LANCL3: variants seen among roughly 807,000 people sequenced by gnomAD.
LANCL3 encodes LanC like family member 3.
In LANCL3, 19 loss-of-function variants were observed where a neutral mutation model predicts 26.5. The ratio of observed to expected loss-of-function variants is 0.72; its 90% CI spans 0.50 to 1.05. LANCL3 has a LOEUF of 1.05. Ranked by LOEUF, LANCL3 falls within the 50% of genes least tolerant of loss-of-function variation. The pLI is 0.00. For missense variants in LANCL3, 318 were observed against 362.7 expected (o/e 0.88, Z 1.00); for synonymous variants, 160 against 166.6 (o/e 0.96, Z 0.30).
intron 1 of LANCL3, among the ~76,000 whole-genome samples, chrX:37,600,909 G>A (rs1924558789): frequency 8.9e-6 from 1 of 111,783 alleles, no homozygotes; most frequent in African/African-American, 3.3e-5. Flanking sequence ...TTTACCAGAA[G>A]CTTAGCCCAC....
At chrX:37,600,530 A>G (rs1018961336) in intron 1 of LANCL3, among the ~76,000 whole-genome samples, 11 of 112,345 alleles carry the variant, frequency 9.8e-5, no homozygotes, top group East Asian at 2.8e-4. Flanking sequence ...CCTTCTTGCC[A>G]CCATGGCAAA....
intron 1 of LANCL3, among the ~76,000 whole-genome samples, chrX:37,646,226 A>G (rs782533496): frequency 8.8e-6 from 1 of 113,047 alleles, no homozygotes; most frequent in East Asian, 2.8e-4. Flanking sequence ...TCAGTTTGTC[A>G]AGATCAGTTT....
intron 4 of LANCL3, among the ~76,000 whole-genome samples, chrX:37,670,216 T>C (rs1926647902): frequency 8.9e-6 from 1 of 112,108 alleles, no homozygotes; most frequent in African/African-American, 3.2e-5. Context: ...CCCATTTTTT[T>C]CCTGTTGTGA....
intron 1 of LANCL3, among the ~76,000 whole-genome samples, chrX:37,576,520 G>A (rs868960475): frequency 9.0e-6 from 1 of 111,442 alleles, no homozygotes; most frequent in Non-Finnish European, 1.9e-5. Context: ...TTTTAACATC[G>A]TTGAGGCTTA....
At chrX:37,605,696 C>T (rs1206431077) in intron 1 of LANCL3, among the ~76,000 whole-genome samples, 4 of 111,373 alleles carry the variant, frequency 3.6e-5, no homozygotes, top group Non-Finnish European at 7.5e-5. Flanking sequence ...GTGCCCTCTG[C>T]CTAGAAAGCA....
chrX:37,654,597 T>C (rs1556430258), intron 1 of LANCL3, among the ~76,000 whole-genome samples: 1 of 111,809 alleles, frequency 8.9e-6, no homozygotes, highest in Non-Finnish European at 1.9e-5. Context: ...TGGAATGTAG[T>C]AGAGGCTTAA....
In LANCL3 at chrX:37,679,938, A is replaced by G. The variant is rs1252708013; in HGVS notation, c.*4125A>G. The G allele has an allele frequency of 9.0e-6, 1 of 111,461 alleles. No homozygotes were observed. Among genetic ancestry groups the G allele is most frequent in the Non-Finnish European group, 1.9e-5 (1 of 53,109 alleles). The allele number at this position is 111,461 out of a possible 1,213,427, so 9.2% of individuals were successfully genotyped here. On this transcript the variant is annotated 3_prime_UTR_variant, in exon 5 of 5. Transcript: ENST00000378619. Reference sequence around the variant, plus strand: ...TCTAACCCAGGACCACCCCTGATTCACCAACTTCTCCTTCTTCTCCTCTTT... The same window carrying G: ...TCTAACCCAGGACCACCCCTGATTCGCCAACTTCTCCTTCTTCTCCTCTTT...
chrX:37,574,888 G>GGT (rs781868476), intron 1 of LANCL3, among the ~76,000 whole-genome samples: 1,919 of 100,870 alleles, frequency 0.019, 18 homozygotes, highest in South Asian at 0.056. Flanking sequence ...ACCTTGTATA[G>GGT]GTGTGTGTGT....
At chrX:37,631,099 T>C (rs1372614435) in intron 1 of LANCL3, among the ~76,000 whole-genome samples, 1 of 112,081 alleles carries the variant, frequency 8.9e-6, no homozygotes, top group Non-Finnish European at 1.9e-5. Context: ...TTTTCGTTGG[T>C]AAGCTATTGA....
At chrX:37,621,675 C>T (rs1556422274) in intron 1 of LANCL3, among the ~76,000 whole-genome samples, 1 of 112,176 alleles carries the variant, frequency 8.9e-6, no homozygotes, top group Non-Finnish European at 1.9e-5. Context: ...TGGACTATGT[C>T]TGGTTGTATG....
At chrX:37,655,019 C>G (rs1926249506) in intron 1 of LANCL3, among the ~76,000 whole-genome samples, 1 of 112,741 alleles carries the variant, frequency 8.9e-6, no homozygotes, top group South Asian at 3.7e-4. Flanking sequence ...GGCTTGAGAA[C>G]CGTTTAATCT....
At chrX:37,668,728 A>G (rs1556434965) in intron 4 of LANCL3, among the ~76,000 whole-genome samples, 1 of 112,012 alleles carries the variant, frequency 8.9e-6, no homozygotes. Context: ...AGGGGGTCCT[A>G]GAGTAGCCCC....
chrX:37,628,479 G>T (rs1556423487), intron 1 of LANCL3, among the ~76,000 whole-genome samples: 3 of 108,521 alleles, frequency 2.8e-5, no homozygotes, highest in African/African-American at 1.0e-4. Flanking sequence ...TAAGATTTAG[G>T]GTACATGTGC....
intron 4 of LANCL3, among the ~76,000 whole-genome samples, chrX:37,672,305 G>C (rs1428836043): frequency 9.0e-6 from 1 of 111,675 alleles, no homozygotes; most frequent in African/African-American, 3.3e-5. Flanking sequence ...GGTCTCTTTA[G>C]ACAACTTACA....
intron 1 of LANCL3, among the ~76,000 whole-genome samples, chrX:37,631,033 C>T (rs371845024): frequency 1.8e-5 from 2 of 111,388 alleles, no homozygotes; most frequent in Admixed American, 9.5e-5. Context: ...ATGGTACCAG[C>T]TCCTCCTTGT....
At chrX:37,594,251 C>T (rs1409376087) in intron 1 of LANCL3, among the ~76,000 whole-genome samples, 3 of 112,047 alleles carry the variant, frequency 2.7e-5, no homozygotes, top group Non-Finnish European at 5.6e-5. Flanking sequence ...TCATTGCAAC[C>T]AAGATAAACT....
chrX:37,632,375 A>G (rs1351506916), intron 1 of LANCL3, among the ~76,000 whole-genome samples: 1 of 111,478 alleles, frequency 9.0e-6, no homozygotes, highest in East Asian at 2.8e-4. Flanking sequence ...TTTCCTGAAT[A>G]CAGCACTGTG....
intron 1 of LANCL3, among the ~76,000 whole-genome samples, chrX:37,574,054 C>CAAAAAAAAAAAAAAAAAAAA (rs34987799): frequency 3.0e-5 from 1 of 33,416 alleles, no homozygotes; most frequent in African/African-American, 9.3e-5. Context: ...TCAAGGATAG[C>CAAAAAAAAAAAAAAAAAAAA]AAAAAAAAAA....
intron 1 of LANCL3, among the ~76,000 whole-genome samples, chrX:37,607,712 G>A (rs932237793): frequency 4.5e-5 from 5 of 112,181 alleles, no homozygotes; most frequent in Non-Finnish European, 7.5e-5. Context: ...CAACTCTAAT[G>A]CTGAGTCATT....
Sources: gnomAD v4.1 joint callset for allele counts (sites outside exome capture counted in the v4.1 genomes callset) on GRCh38, gnomAD v4.1.1 for gene constraint, MANE v1.5 for transcripts, NCBI Gene and HGNC (gene_info 2026-07-23, HGNC 2026-07-21) for gene names.